Variants in COG2 observed in about 807,000 individuals in gnomAD.
COG2 encodes component of oligomeric golgi complex 2, also known as conserved oligomeric Golgi complex subunit 2.
Under a neutral mutation model 90.6 loss-of-function variants are expected in COG2, and 52 were observed. That is an observed-to-expected ratio of 0.57 (90% CI 0.46 to 0.72). The LOEUF (loss-of-function observed/expected upper bound fraction) is 0.72. Among genes scored for constraint, COG2 ranks in the 30% least tolerant of loss-of-function variants. COG2 has a pLI of 0.00. For synonymous variants in COG2, 337 were observed against 320.4 expected, an observed-to-expected ratio of 1.05 and a Z score of -0.55; for missense variants, 829 against 891.2, an observed-to-expected ratio of 0.93 and a Z score of 0.89.
chr1:230,691,079 C>T (rs755023055), intron 16 of COG2, among the ~76,000 whole-genome samples: 1 of 151,754 alleles, frequency 6.6e-6, no homozygotes, highest in African/African-American at 2.4e-5. Context: ...TCTCCATGTT[C>T]AGGATTAAAA....
In COG2 at chr1:230,675,044, G is replaced by C; in HGVS notation, c.946G>C (p.Val316Leu). Reference protein sequence around the residue: ...VPGYDFLVNSVWPQIVQGLEE... With the variant: ...VPGYDFLVNSLWPQIVQGLEE... ...TGGATATGACTTTTTGGTGAATTCT[G>C]TTTGGCCACAAATAGTACAAGGATT... The change falls in exon 9 of 18, where the codon GTT becomes CTT. Residue 316 changes from valine (V) to leucine (L), a missense_variant. Val to Leu is a conservative substitution (Grantham distance 32). Coordinates refer to ENST00000366669, the MANE Select transcript of COG2 (RefSeq NM_007357.3). 1 of 1,612,482 alleles carries C rather than the reference G, an allele frequency of 6.2e-7. No homozygotes were observed. Among genetic ancestry groups the C allele is most frequent in the Non-Finnish European group, 8.5e-7 (1 of 1,179,234 alleles).
intron 15 of COG2, among the ~76,000 whole-genome samples, chr1:230,688,935 GT>G: frequency 6.6e-6 from 1 of 152,076 alleles, no homozygotes; most frequent in South Asian, 2.1e-4. Context: ...CCTCTTTATT[GT>G]TACTGGAAGC....
chr1:230,658,618 CA>C (rs1424051923), intron 1 of COG2, among the ~76,000 whole-genome samples: 1 of 152,198 alleles, frequency 6.6e-6, no homozygotes, highest in Non-Finnish European at 1.5e-5. Context: ...AGCCATCAAG[CA>C]GTGACGTTTA....
At position 230,693,533 on chromosome 1, in the gene COG2, C is replaced by G. The variant is rs1379471685; in HGVS notation, c.*140C>G. On this transcript the variant is annotated 3_prime_UTR_variant, in exon 18 of 18. Coordinates refer to ENST00000366669, the MANE Select transcript of COG2 (RefSeq NM_007357.3). Reference sequence around the variant, plus strand: ...TTCCAGCATCACTCCAGCAACACGCCCATGCGTCTTCTCTCAGCGTATTTG... The same window carrying G: ...TTCCAGCATCACTCCAGCAACACGCGCATGCGTCTTCTCTCAGCGTATTTG... 1 of 545,400 alleles carries G rather than the reference C, an allele frequency of 1.8e-6. No individual in the cohort carries two copies. Among genetic ancestry groups the G allele is most frequent in the Admixed American group, 3.7e-5 (1 of 27,154 alleles). The allele number at this position is 545,400 out of a possible 1,614,324, so 33.8% of individuals were successfully genotyped here.
chr1:230,652,972 A>G (rs912841185), intron 1 of COG2, among the ~76,000 whole-genome samples: 20 of 152,146 alleles, frequency 1.3e-4, no homozygotes, highest in African/African-American at 4.8e-4. Context: ...TAATGTATTC[A>G]TCACCTCACA....
intron 10 of COG2, chr1:230,683,309 GTTTAA>G (rs1662799057): frequency 2.8e-6 from 1 of 360,752 alleles, no homozygotes; most frequent in African/African-American, 2.1e-5. Flanking sequence ...CTGGCAGTTT[GTTTAA>G]TTTGAGAAAC....
intron 9 of COG2, chr1:230,677,911 C>A: frequency 2.0e-6 from 1 of 505,846 alleles, no homozygotes; most frequent in Non-Finnish European, 2.6e-6. Flanking sequence ...AGTTTTGTCC[C>A]AAAAGGGAAG....
intron 1 of COG2, among the ~76,000 whole-genome samples, chr1:230,658,263 G>A (rs1662109720): frequency 6.6e-6 from 1 of 151,948 alleles, no homozygotes; most frequent in South Asian, 2.1e-4. Context: ...GAGTGGACAT[G>A]CTATTCCTTT....
At chr1:230,668,864 G>T in intron 6 of COG2, 80 bp downstream of exon 6, 2 of 873,610 alleles carry the variant, frequency 2.3e-6, no homozygotes, top group Non-Finnish European at 1.8e-6. Context: ...TAATATTGTT[G>T]ATCTACAGGG....
intron 9 of COG2, among the ~76,000 whole-genome samples, chr1:230,677,459 C>T (rs1558276506): frequency 6.6e-6 from 1 of 152,300 alleles, no homozygotes; most frequent in East Asian, 1.9e-4. Context: ...TATCTGTTGG[C>T]TGATTGTCCC....
intron 1 of COG2, among the ~76,000 whole-genome samples, chr1:230,656,525 A>T (rs192402802): frequency 6.6e-6 from 1 of 152,310 alleles, no homozygotes; most frequent in Admixed American, 6.5e-5. Context: ...AATAAGTGCG[A>T]TGCAGTGCTG....
intron 1 of COG2, among the ~76,000 whole-genome samples, chr1:230,643,253 A>T (rs1417082257): frequency 6.6e-6 from 1 of 152,210 alleles, no homozygotes; most frequent in Non-Finnish European, 1.5e-5. Context: ...GATGCATTTG[A>T]AGAAGTTGGT....
chr1:230,687,268 TCTCA>T (rs1228768011), intron 13 of COG2, 136 bp downstream of exon 13: 2 of 599,426 alleles, frequency 3.3e-6, no homozygotes, highest in Admixed American at 3.3e-5. Flanking sequence ...AGAGAGAACC[TCTCA>T]CTCACCTCCC....
intron 8 of COG2, among the ~76,000 whole-genome samples, chr1:230,674,213 T>C (rs1232504724): frequency 6.6e-6 from 1 of 152,232 alleles, no homozygotes; most frequent in Non-Finnish European, 1.5e-5. Flanking sequence ...ACTTTACAAA[T>C]ATTAATTCTT....
intron 2 of COG2, 152 bp from the exon 3 acceptor site, chr1:230,660,606 A>G (rs986828202): frequency 1.8e-5 from 8 of 450,452 alleles, no homozygotes; most frequent in African/African-American, 1.0e-4. Context: ...ATAAAATAAC[A>G]TTTGTTATTT....
chr1:230,679,975 T>C (rs1220544118), intron 10 of COG2: 2 of 152,224 alleles, frequency 1.3e-5, no homozygotes, highest in Non-Finnish European at 2.9e-5. Flanking sequence ...CTTTTTATAA[T>C]GAAATCACAG....
chr1:230,654,038 T>C (rs12406423), intron 1 of COG2, among the ~76,000 whole-genome samples: 8,164 of 152,278 alleles, frequency 0.054, 249 homozygotes, highest in Middle Eastern at 0.088. Context: ...GGTGGACAGA[T>C]TGCAAAAATT....
chr1:230,685,474 G>T lies in COG2; in HGVS notation c.1380+238G>T, dbSNP rs183918560. Among the ~76,000 whole-genome samples, 52 of 151,992 alleles carry T rather than the reference G, an allele frequency of 3.4e-4. No individual in the cohort carries two copies. The East Asian group carries it at 9.8e-3, about 29-fold the overall frequency. On this transcript the variant is annotated intron_variant, in intron 12 of 17. Transcript: ENST00000366669. The stretch of plus-strand genomic sequence containing the variant: ...TATTTTGTTGAAAAGCACCACTCTG[G>T]CAAGTCCATTTTTTTCCTTCTCAAA...
intron 17 of COG2, 141 bp downstream of exon 17, chr1:230,691,705 G>C: frequency 1.3e-6 from 1 of 746,196 alleles, no homozygotes; most frequent in Middle Eastern, 3.9e-4. Context: ...CTAGGAGTCG[G>C]GGCTCCCAAA....
Sources: allele counts gnomAD v4.1 joint callset (sites outside exome capture counted in the v4.1 genomes callset), GRCh38; gene constraint gnomAD v4.1.1; transcripts MANE v1.5; gene names NCBI Gene and HGNC (gene_info 2026-07-23, HGNC 2026-07-21).